Variants in CPSF7 observed in about 807,000 individuals in gnomAD.
CPSF7 encodes the protein cleavage and polyadenylation specificity factor subunit 7.
Under a neutral mutation model 44.3 loss-of-function variants are expected in CPSF7, and 1 was observed. That is an observed-to-expected ratio of 0.02 (90% CI 0.01 to 0.11). CPSF7 has a LOEUF of 0.11. Ranked by LOEUF, CPSF7 falls within the 10% of genes least tolerant of loss-of-function variation. The pLI, the probability that CPSF7 is intolerant of heterozygous loss-of-function variation, is 1.00. For missense variants in CPSF7, 443 were observed against 607.2 expected (o/e 0.73, Z 2.84); for synonymous variants, 202 against 222.0 (o/e 0.91, Z 0.80).
intron 2 of CPSF7, among the ~76,000 whole-genome samples, chr11:61,426,177 T>A (rs575869719): frequency 1.3e-5 from 2 of 152,344 alleles, no homozygotes; most frequent in South Asian, 4.1e-4. Flanking sequence ...TTAATTTTCC[T>A]TGAGGAGCAA....
Position 61,421,581 on chromosome 11 carries a change from T to C in CPSF7, c.82A>G (p.Ile28Val), listed in dbSNP as rs779419901. The part of the protein sequence containing the change: ...QDPEFNNTDQ[I>V]DLYDDVLTAT... Reference sequence around the variant, plus strand: ...GTCAGCACATCATCATACAGGTCAATCTGATCTGTATTGTTGAACTCTGGG... The same window carrying C: ...GTCAGCACATCATCATACAGGTCAACCTGATCTGTATTGTTGAACTCTGGG... Residue 28 changes from isoleucine to valine, a missense_variant, in exon 3 of 10, where the codon ATT becomes GTT. Physicochemically the swap from Ile to Val is conservative, Grantham distance 29. Coordinates refer to ENST00000439958, the MANE Select transcript of CPSF7 (RefSeq NM_001142565.3). 1.9e-6 allele frequency: 3 copies of C among 1,613,548 alleles called. No homozygotes were observed. In the Admixed American group the frequency reaches 5.0e-5, roughly 27 times the overall value.
Position 61,421,419 on chromosome 11 carries a change from C to T in CPSF7, c.244G>A (p.Ala82Thr). 6.2e-7 allele frequency: 1 copy of T among 1,614,180 alleles called. No homozygotes were observed. The highest frequency in any genetic ancestry group is 8.5e-7 in the Non-Finnish European group (1 of 1,180,026). ...YTYSGLRNRR[A>T]AVYVGSFSWW... ...GAGAAGCTGCCCACATAAACGGCAG[C>T]TCGTCTATTACGCAGGCCACTGTAG... Residue 82 changes from alanine (A) to threonine (T), a missense_variant, in exon 3 of 10, where the codon GCT becomes ACT. By Grantham distance (58) the Ala-to-Thr change is moderately conservative. Transcript: ENST00000439958.
chr11:61,421,468 G>A lies in CPSF7; in HGVS notation c.195C>T (p.Asn65=), dbSNP rs932495412. Residue 65 remains asparagine (N), a synonymous_variant, in exon 3 of 10, where the codon AAC becomes AAT. Coordinates refer to ENST00000439958, the MANE Select transcript of CPSF7 (RefSeq NM_001142565.3). ...VRQEPSPKPN[N]KTPAILYTYS... is the part of the protein sequence containing the mutation. The stretch of plus-strand genomic sequence containing the variant: ...AGGTATACAGAATTGCAGGGGTCTT[G>A]TTGTTGGGCTTGGGAGATGGCTCCT... The A allele has an allele frequency of 3.1e-6, 5 of 1,614,064 alleles. No homozygotes were observed. Among genetic ancestry groups the A allele is most frequent in the African/African-American group, 1.3e-5 (1 of 74,922 alleles).
chr11:61,409,803 G>A (rs944358772), intron 9 of CPSF7, among the ~76,000 whole-genome samples: 6 of 151,816 alleles, frequency 4.0e-5, no homozygotes, highest in African/African-American at 7.3e-5. Context: ...GTAAAGCCCC[G>A]CCTCTACTAA....
In CPSF7 at chr11:61,429,670, G is replaced by A. The variant is rs536277840; in HGVS notation, c.-56+244C>T. The A allele has an allele frequency of 1.3e-3, 1,876 of 1,419,560 alleles. 7 individuals are homozygous for A. The highest frequency in any genetic ancestry group is 1.6e-3 in the South Asian group (127 of 80,712). The allele number at this position is 1,419,560 out of a possible 1,614,324, so 87.9% of individuals were successfully genotyped here. A position where few individuals can be genotyped will look rare whatever the true frequency, so the allele number is the denominator to read the frequency against. On this transcript the variant is annotated intron_variant, in intron 1 of 9. Transcript: ENST00000439958. ...AGGCGGCTCCGGCCAGAGCCCCCAG[G>A]TGTCAAGCAGCTCCAGCCGCCTCTG...
At chr11:61,424,894 T>C (rs890876831) in intron 2 of CPSF7, among the ~76,000 whole-genome samples, 1 of 152,224 alleles carries the variant, frequency 6.6e-6, no homozygotes, top group Non-Finnish European at 1.5e-5. Flanking sequence ...CTAAAATTTG[T>C]AATGTAAAAA....
In CPSF7 at chr11:61,411,753, A is replaced by T. The variant is rs769241445; in HGVS notation, c.1226+16T>A. 1 of 1,604,606 alleles carries T rather than the reference A, an allele frequency of 6.2e-7. No individual in the cohort carries two copies. Among genetic ancestry groups the T allele is most frequent in the African/African-American group, 1.3e-5 (1 of 74,876 alleles). On this transcript the variant is annotated intron_variant, in intron 8 of 9. Transcript: ENST00000439958. ...CTGCTTGGGGCTGGTAGGTGAGGAC[A>T]CAATCACCAACTCACCTGGAAGAGC...
Position 61,403,724 on chromosome 11 carries a change from G to A in CPSF7, c.*986C>T, listed in dbSNP as rs1859074911. ...GAAAAAAGAAAAGCCTATGGAAGTA[G>A]GCCATATCCTGCCCAACTTGCTTCT... On this transcript the variant is annotated 3_prime_UTR_variant, in exon 10 of 10. Coordinates refer to ENST00000439958, the MANE Select transcript of CPSF7 (RefSeq NM_001142565.3). 6.6e-6 allele frequency: 1 copy of A among 152,200 alleles called. No homozygotes were observed. Among genetic ancestry groups the A allele is most frequent in the Non-Finnish European group, 1.5e-5 (1 of 68,052 alleles). 9.4% of individuals were successfully genotyped at this position (152,200 alleles called of 1,614,324 possible).
intron 3 of CPSF7, 166 bp from the exon 4 acceptor site, chr11:61,420,739 A>G: frequency 3.3e-6 from 2 of 614,236 alleles, no homozygotes; most frequent in South Asian, 2.0e-5. Flanking sequence ...TCACCCATAC[A>G]GAATTCCAAA....
intron 1 of CPSF7, 180 bp from the exon 2 acceptor site, chr11:61,429,470 G>A (rs894094432): frequency 5.9e-6 from 3 of 504,710 alleles, no homozygotes; most frequent in Non-Finnish European, 1.0e-5. Context: ...GGCCGCCGGG[G>A]GTCGCTGCCC....
intron 5 of CPSF7, among the ~76,000 whole-genome samples, chr11:61,419,624 T>C (rs1156949750): frequency 6.6e-6 from 1 of 152,146 alleles, no homozygotes; most frequent in Non-Finnish European, 1.5e-5. Context: ...TTAGAGGTGA[T>C]GGAACTTTAA....
At chr11:61,421,069 A>T (rs1285461061) in intron 3 of CPSF7, 1 of 1,352,620 alleles carries the variant, frequency 7.4e-7, no homozygotes, top group South Asian at 1.2e-5. Flanking sequence ...TCACAGGACC[A>T]TCTAATGACC....
intron 7 of CPSF7, among the ~76,000 whole-genome samples, chr11:61,415,325 A>T (rs989094141): frequency 6.6e-6 from 1 of 152,238 alleles, no homozygotes; most frequent in Non-Finnish European, 1.5e-5. Flanking sequence ...TGGGTCTACT[A>T]CACAGACACT....
At chr11:61,408,721 G>C (rs1226315610) in intron 9 of CPSF7, among the ~76,000 whole-genome samples, 1 of 152,134 alleles carries the variant, frequency 6.6e-6, no homozygotes, top group Non-Finnish European at 1.5e-5. Context: ...TACCAATATG[G>C]AGCCTGTCTA....
intron 2 of CPSF7, among the ~76,000 whole-genome samples, chr11:61,424,212 A>T (rs1056560811): frequency 6.6e-6 from 1 of 152,212 alleles, no homozygotes; most frequent in African/African-American, 2.4e-5. Flanking sequence ...GGTGGATAAT[A>T]AAGTAAGGTG....
chr11:61,417,311 CCA>C (rs1860429368), intron 5 of CPSF7, among the ~76,000 whole-genome samples: 1 of 152,228 alleles, frequency 6.6e-6, no homozygotes, highest in African/African-American at 2.4e-5. Flanking sequence ...AACACCATCA[CCA>C]CATGCTAGTA....
intron 4 of CPSF7, 88 bp downstream of exon 4, chr11:61,420,382 G>C (rs948163157): frequency 3.4e-5 from 41 of 1,201,448 alleles, no homozygotes; most frequent in South Asian, 2.2e-4. Context: ...AGGGGTGGGA[G>C]TGATTAAAAT....
intron 8 of CPSF7, 116 bp downstream of exon 8, chr11:61,411,653 G>A (rs11230689): frequency 0.025 from 21,848 of 861,180 alleles, 363 homozygotes; most frequent in Non-Finnish European, 0.031. Context: ...GAAGGCTAAC[G>A]TCCAGACTTT....
rs1858993110 is a variant in CPSF7 at position 61,402,808 on chromosome 11, A to C, written c.*1902T>G. On this transcript the variant is annotated 3_prime_UTR_variant, in exon 10 of 10. Transcript: ENST00000439958. ...AAATCACCGACAACAGGGGGACGGG[A>C]CCTTGGCCTTTTTGAGGGATGGGTG... 1 of 152,586 alleles carries C rather than the reference A, an allele frequency of 6.6e-6. No homozygotes were observed. Among genetic ancestry groups the C allele is most frequent in the Non-Finnish European group, 1.5e-5 (1 of 68,038 alleles). The allele number at this position is 152,586 out of a possible 1,614,324, so 9.5% of individuals were successfully genotyped here. A position where few individuals can be genotyped will look rare whatever the true frequency, so the allele number is the denominator to read the frequency against.
Sources: allele counts gnomAD v4.1 joint callset (sites outside exome capture counted in the v4.1 genomes callset), GRCh38; gene constraint gnomAD v4.1.1; transcripts MANE v1.5; gene names NCBI Gene and HGNC (gene_info 2026-07-23, HGNC 2026-07-21).